The following PRKCI variants were observed in gnomAD, a reference collection of about 807,000 sequenced individuals.
PRKCI encodes protein kinase C iota type.
In PRKCI, 43 loss-of-function variants were observed where a neutral mutation model predicts 84.0. The ratio of observed to expected loss-of-function variants is 0.51; its 90% CI spans 0.40 to 0.66. The LOEUF (loss-of-function observed/expected upper bound fraction) is 0.66, where lower values mean the gene tolerates loss of function less well. Among genes scored for constraint, PRKCI ranks in the 30% least tolerant of loss-of-function variants. The pLI, the probability that PRKCI is intolerant of heterozygous loss-of-function variation, is 0.00. For missense variants in PRKCI, 459 were observed against 745.6 expected, an observed-to-expected ratio of 0.62 and a Z score of 4.48; for synonymous variants, 216 against 234.4, an observed-to-expected ratio of 0.92 and a Z score of 0.72.
chr3:170,296,073 A>G, intron 15 of PRKCI, 83 bp downstream of exon 15: 2 of 773,336 alleles, frequency 2.6e-6, no homozygotes, highest in Non-Finnish European at 1.9e-6. Context: ...GGGAAATGTA[A>G]AATTCCAAAA....
intron 5 of PRKCI, among the ~76,000 whole-genome samples, chr3:170,268,629 G>A (rs1319136442): frequency 6.6e-6 from 1 of 152,120 alleles, no homozygotes. Context: ...TATTTTTCCA[G>A]TTAGTGTTGT....
chr3:170,267,805 A>AT (rs934757129), intron 4 of PRKCI, 110 bp from the exon 5 acceptor site: 1,046 of 649,180 alleles, frequency 1.6e-3, no homozygotes, highest in Middle Eastern at 1.9e-3. Flanking sequence ...TTTTATCAGT[A>AT]TTTTTTTTTC....
chr3:170,298,313 T>C (rs1248392414), intron 16 of PRKCI, among the ~76,000 whole-genome samples: 5 of 152,110 alleles, frequency 3.3e-5, no homozygotes, highest in South Asian at 2.1e-4. Flanking sequence ...ACAGCCTTGA[T>C]TGAACTCCTG....
At chr3:170,302,381 C>A (rs1440196055) in intron 17 of PRKCI, among the ~76,000 whole-genome samples, 1 of 152,162 alleles carries the variant, frequency 6.6e-6, no homozygotes, top group African/African-American at 2.4e-5. Context: ...TTAACAAGTA[C>A]TGCTTTCTCT....
intron 4 of PRKCI, 129 bp from the exon 5 acceptor site, chr3:170,267,786 C>A: frequency 4.0e-6 from 2 of 501,808 alleles, no homozygotes; most frequent in South Asian, 3.3e-5. Context: ...TATTTTTTGA[C>A]GTTCAGGTTT....
chr3:170,240,503 C>T (rs746476629), intron 2 of PRKCI, among the ~76,000 whole-genome samples: 1 of 152,146 alleles, frequency 6.6e-6, no homozygotes, highest in African/African-American at 2.4e-5. Flanking sequence ...GATTCCCATG[C>T]GATCCTTCTC....
At chr3:170,243,980 A>G (rs529095850) in intron 2 of PRKCI, among the ~76,000 whole-genome samples, 6 of 152,326 alleles carry the variant, frequency 3.9e-5, no homozygotes, top group Admixed American at 3.9e-4. Flanking sequence ...GGATGGATTC[A>G]GAAGTGAGGT....
chr3:170,256,313 G>T (rs1180169934), intron 2 of PRKCI, among the ~76,000 whole-genome samples: 1 of 152,096 alleles, frequency 6.6e-6, no homozygotes, highest in Non-Finnish European at 1.5e-5. Context: ...GCTTTTCTTT[G>T]CTGAGAGACT....
intron 5 of PRKCI, 117 bp from the exon 6 acceptor site, chr3:170,270,304 G>GTTTTT (rs1335809202): frequency 9.6e-7 from 1 of 1,047,078 alleles, no homozygotes; most frequent in Non-Finnish European, 1.3e-6. Flanking sequence ...TTTTGTTTTT[G>GTTTTT]TTTTTGTTGT....
At chr3:170,244,275 C>T (rs1336359417) in intron 2 of PRKCI, among the ~76,000 whole-genome samples, 1 of 152,108 alleles carries the variant, frequency 6.6e-6, no homozygotes, top group Non-Finnish European at 1.5e-5. Context: ...TTCAGCCTAC[C>T]TCCCCCTTAT....
chr3:170,279,880 C>T (rs940603048), intron 8 of PRKCI, among the ~76,000 whole-genome samples: 5 of 152,178 alleles, frequency 3.3e-5, no homozygotes, highest in Admixed American at 6.5e-5. Flanking sequence ...CAGTGGTACC[C>T]CCAATCTCTT....
chr3:170,280,638 G>A (rs1457740907), intron 9 of PRKCI, among the ~76,000 whole-genome samples: 2 of 151,870 alleles, frequency 1.3e-5, no homozygotes, highest in African/African-American at 4.8e-5. Context: ...TAGTAGAGAT[G>A]GGGTTTCACC....
intron 2 of PRKCI, among the ~76,000 whole-genome samples, chr3:170,235,793 C>T (rs1479266978): frequency 6.6e-6 from 1 of 152,056 alleles, no homozygotes. Context: ...TCTCAAACTC[C>T]TGACCTTATG....
chr3:170,284,712 T>C, intron 12 of PRKCI, 116 bp downstream of exon 12: 3 of 1,233,078 alleles, frequency 2.4e-6, no homozygotes, highest in Non-Finnish European at 3.4e-6. Flanking sequence ...TTACTTAAGC[T>C]TTGTGGAATT....
At chr3:170,231,486 A>G (rs2108835510) in intron 1 of PRKCI, among the ~76,000 whole-genome samples, 1 of 151,614 alleles carries the variant, frequency 6.6e-6, no homozygotes, top group East Asian at 1.9e-4. Flanking sequence ...GTTTTTTGAG[A>G]CAGAGTCTCA....
At chr3:170,297,899 G>A (rs143677500) in intron 16 of PRKCI, among the ~76,000 whole-genome samples, 3,262 of 149,752 alleles carry the variant, frequency 0.022, 37 homozygotes, top group Middle Eastern at 0.035. Context: ...TTTCTGAGAC[G>A]GAGTCTCATT....
chr3:170,251,859 G>A (rs971477084), intron 2 of PRKCI, among the ~76,000 whole-genome samples: 4 of 151,258 alleles, frequency 2.6e-5, no homozygotes, highest in Non-Finnish European at 4.4e-5. Context: ...GCAGTGAGCC[G>A]AGATCACGCC....
chr3:170,302,155 T>G, intron 17 of PRKCI, among the ~76,000 whole-genome samples: 1 of 152,186 alleles, frequency 6.6e-6, no homozygotes, highest in African/African-American at 2.4e-5. Context: ...CCTCTTTGAT[T>G]TAGCCATTAT....
At chr3:170,235,565 A>ATTTTTTTTTTT (rs1577341409) in intron 2 of PRKCI, among the ~76,000 whole-genome samples, 2 of 140,748 alleles carry the variant, frequency 1.4e-5, no homozygotes, top group Non-Finnish European at 3.1e-5. Flanking sequence ...AATTAACTTG[A>ATTTTTTTTTTT]CTTTTTTTTT....
Sources: allele counts gnomAD v4.1 joint callset (sites outside exome capture counted in the v4.1 genomes callset), GRCh38; gene constraint gnomAD v4.1.1; transcripts MANE v1.5; gene names NCBI Gene and HGNC (gene_info 2026-07-23, HGNC 2026-07-21).